Variants in WDR41 observed in about 807,000 individuals in gnomAD.
WDR41 encodes the protein WD repeat domain 41, also known as WD repeat-containing protein 41.
A neutral mutation model predicts 69.3 loss-of-function variants in WDR41; 63 were observed. The observed-to-expected ratio is 0.91, with a 90% confidence interval of 0.74 to 1.12. The LOEUF (loss-of-function observed/expected upper bound fraction) is 1.12. Ranked by LOEUF, WDR41 falls within the 50% of genes most tolerant of loss-of-function variation. WDR41 has a pLI of 0.00. For missense variants in WDR41, 543 were observed against 534.5 expected (o/e 1.02, Z -0.16); for synonymous variants, 185 against 192.1 (o/e 0.96, Z 0.31).
chr5:77,437,249 A>T, intron 11 of WDR41, 87 bp downstream of exon 11: 1 of 1,053,470 alleles, frequency 9.5e-7, no homozygotes, highest in Non-Finnish European at 1.5e-6. Flanking sequence ...ATATTATTTT[A>T]GTGGTTTCAC....
intron 1 of WDR41, among the ~76,000 whole-genome samples, chr5:77,598,107 G>A (rs1005416598): frequency 1.3e-5 from 2 of 152,204 alleles, no homozygotes; most frequent in African/African-American, 4.8e-5. Flanking sequence ...ATTTGTGATT[G>A]TATCTAGCAC....
intron 9 of WDR41, among the ~76,000 whole-genome samples, chr5:77,440,271 A>T (rs1799107741): frequency 6.6e-6 from 1 of 152,128 alleles, no homozygotes; most frequent in South Asian, 2.1e-4. Flanking sequence ...ATGCTAAGAG[A>T]TTTGTTTTTT....
At chr5:77,566,080 G>A (rs1435601885) in intron 1 of WDR41, among the ~76,000 whole-genome samples, 1 of 152,040 alleles carries the variant, frequency 6.6e-6, no homozygotes, top group Non-Finnish European at 1.5e-5. Flanking sequence ...CCTCTCTATG[G>A]TCAAGACTGC....
intron 1 of WDR41, among the ~76,000 whole-genome samples, chr5:77,616,330 T>C (rs1938440741): frequency 6.6e-6 from 1 of 152,228 alleles, no homozygotes; most frequent in African/African-American, 2.4e-5. Flanking sequence ...AGCTTTTTCT[T>C]TGTGCACATG....
intron 1 of WDR41, chr5:77,491,156 G>T (rs564929239): frequency 3.9e-5 from 16 of 405,378 alleles, no homozygotes; most frequent in South Asian, 2.7e-4. Context: ...CCACAAAAGT[G>T]AAAATGGCCG....
intron 1 of WDR41, among the ~76,000 whole-genome samples, chr5:77,552,979 A>C (rs1743324721): frequency 6.6e-6 from 1 of 152,258 alleles, no homozygotes; most frequent in Non-Finnish European, 1.5e-5. Context: ...TCTGGCGCTA[A>C]GCCAGTAGTT....
rs778714290 is a variant in WDR41, at chr5:77,489,513, T to C, written c.111A>G (p.Leu37=). 3 of 1,610,724 alleles carry C rather than the reference T, an allele frequency of 1.9e-6. No individual in the cohort carries two copies. The highest frequency in any genetic ancestry group is 2.5e-6 in the Non-Finnish European group (3 of 1,178,852). Residue 37 remains leucine, a synonymous_variant, in exon 2 of 13, where the codon CTA becomes CTG. Transcript: ENST00000296679. The part of the protein sequence containing the change: ...EQTQNPYTEL[L]VLKAHHDIVR... ...CAATATCATGATGAGCCTTCAGTAC[T>C]AGCAGTTCAGTGTAGGGATTCTGGG...
At chr5:77,608,144 G>A (rs935603449) in intron 1 of WDR41, among the ~76,000 whole-genome samples, 12 of 152,212 alleles carry the variant, frequency 7.9e-5, no homozygotes, top group African/African-American at 2.9e-4. Flanking sequence ...ACTGCTCCAG[G>A]TACTTAATGT....
intron 1 of WDR41, among the ~76,000 whole-genome samples, chr5:77,578,676 C>T (rs1743878568): frequency 1.3e-5 from 2 of 151,832 alleles, no homozygotes; most frequent in Non-Finnish European, 2.9e-5. Flanking sequence ...CAAGCCTGGC[C>T]AACATGGCAA....
chr5:77,504,038 G>A (rs1440112034), intron 1 of WDR41, among the ~76,000 whole-genome samples: 1 of 151,314 alleles, frequency 6.6e-6, no homozygotes, highest in Admixed American at 6.6e-5. Context: ...GAGCAGAACT[G>A]AAGGAGATAG....
rs188939577 is a variant in WDR41 at position 77,561,414 on chromosome 5, A to G, written c.42+59065T>C. Among the ~76,000 whole-genome samples the G allele has an allele frequency of 1.2e-3, 184 of 152,308 alleles. 1 individual carries two copies. Among genetic ancestry groups the G allele is most frequent in the Admixed American group, 4.2e-3 (64 of 15,294 alleles). On this transcript the variant is annotated intron_variant, in intron 1 of 5. Transcript: ENST00000509971. Reference sequence around the variant, plus strand: ...TCTCAGAATCTCACAAAATTCATGAAGTAGAGAGTTCATTATTTAGTTTTG... The same window carrying G: ...TCTCAGAATCTCACAAAATTCATGAGGTAGAGAGTTCATTATTTAGTTTTG...
chr5:77,499,388 A>T (rs973564100), intron 1 of WDR41: 1 of 152,258 alleles, frequency 6.6e-6, no homozygotes, highest in Admixed American at 6.5e-5. Flanking sequence ...GAATGCAGGA[A>T]TCCTCTGGGT....
At position 77,545,786 on chromosome 5, in the gene WDR41, C is replaced by T. The variant is rs186689022; in HGVS notation, c.43-56214G>A. On this transcript the variant is annotated intron_variant, in intron 1 of 5. Coordinates refer to the WDR41 transcript ENST00000509971. ...ACTACATTGGGGACTACAATGGCCA[C>T]GTCGGTCTGGGTGTTAAGTGCTCCA... is the stretch of plus-strand genomic sequence containing the variant. The T allele has an allele frequency of 9.1e-6, 9 of 987,728 alleles. No individual in the cohort carries two copies. In the East Asian group the frequency reaches 1.7e-4, roughly 18 times the overall value. 61.2% of individuals were successfully genotyped at this position (987,728 alleles called of 1,614,324 possible).
chr5:77,458,475 T>C (rs1799919114), intron 5 of WDR41, among the ~76,000 whole-genome samples: 1 of 152,284 alleles, frequency 6.6e-6, no homozygotes, highest in East Asian at 1.9e-4. Context: ...AGTGGCACTT[T>C]CTCTGAACAC....
At chr5:77,477,680 TA>T (rs1801009699) in intron 2 of WDR41, among the ~76,000 whole-genome samples, 1 of 84,610 alleles carries the variant, frequency 1.2e-5, no homozygotes. Context: ...AAGCAGTGTG[TA>T]GAGGGAAATT....
Position 77,561,828 on chromosome 5 carries a change from G to A in WDR41, c.42+58651C>T, listed in dbSNP as rs923443836. ...CTTAAAAACACATGTGTTTTCTTTT[G>A]AAACAAAAAAAGATTCTTTCATCAA... On this transcript the variant is annotated intron_variant, in intron 1 of 5. Coordinates refer to the WDR41 transcript ENST00000509971. 7.9e-5 allele frequency among the ~76,000 whole-genome samples: 12 copies of A among 151,676 alleles called. No homozygotes were observed. In the East Asian group the frequency reaches 9.7e-4, roughly 12 times the overall value.
chr5:77,527,136 C>T (rs1038328264), intron 1 of WDR41, among the ~76,000 whole-genome samples: 22 of 151,910 alleles, frequency 1.4e-4, no homozygotes, highest in Admixed American at 3.3e-4. Flanking sequence ...CCTAGCAAAG[C>T]AGAAATACCA....
At chr5:77,544,407 T>C (rs1743151249) in intron 1 of WDR41, among the ~76,000 whole-genome samples, 1 of 152,118 alleles carries the variant, frequency 6.6e-6, no homozygotes, top group South Asian at 2.1e-4. Flanking sequence ...ACCAACCATC[T>C]GCTGGCTTCA....
chr5:77,457,035 T>C (rs1799862477), intron 5 of WDR41, among the ~76,000 whole-genome samples: 1 of 152,168 alleles, frequency 6.6e-6, no homozygotes, highest in Non-Finnish European at 1.5e-5. Flanking sequence ...AAATTAGCCT[T>C]GAGATTTTCA....
Sources: gnomAD v4.1 joint callset for allele counts (sites outside exome capture counted in the v4.1 genomes callset) on GRCh38, gnomAD v4.1.1 for gene constraint, MANE v1.5 for transcripts, NCBI Gene and HGNC (gene_info 2026-07-23, HGNC 2026-07-21) for gene names.